The following NCOA6 variants were observed in gnomAD, a reference collection of about 807,000 sequenced individuals.
NCOA6 encodes the protein nuclear receptor coactivator 6.
In NCOA6, 49 loss-of-function variants were observed where a neutral mutation model predicts 171.4. The ratio of observed to expected loss-of-function variants is 0.29; its 90% confidence interval spans 0.23 to 0.36. NCOA6 has a LOEUF of 0.36. NCOA6 is among the 10% of genes least tolerant of loss of function. NCOA6 has a pLI of 1.00. For synonymous variants in NCOA6, 910 were observed against 927.5 expected, an observed-to-expected ratio of 0.98 and a Z score of 0.34; for missense variants, 2,248 against 2,554.5, an observed-to-expected ratio of 0.88 and a Z score of 2.59.
At chr20:34,823,243 C>T (rs2079057968) in intron 1 of NCOA6, among the ~76,000 whole-genome samples, 3 of 152,042 alleles carry the variant, frequency 2.0e-5, no homozygotes, top group Admixed American at 1.3e-4. Context: ...ATAGGCTGGG[C>T]GCGGTGGCTC....
chr20:34,721,671 T>A (rs1236676764), intron 14 of NCOA6, among the ~76,000 whole-genome samples: 1 of 152,158 alleles, frequency 6.6e-6, no homozygotes, highest in African/African-American at 2.4e-5. Context: ...TAATGCTCGC[T>A]TGCCCACCAC....
intron 1 of NCOA6, among the ~76,000 whole-genome samples, chr20:34,797,302 A>C (rs546381343): frequency 1.3e-5 from 2 of 152,204 alleles, no homozygotes; most frequent in African/African-American, 4.8e-5. Flanking sequence ...ACAGTAGGAG[A>C]GGGCAGAGTC....
In NCOA6 at chr20:34,715,097, A is replaced by C; in HGVS notation, c.*225T>G. 1 of 511,666 alleles carries C rather than the reference A, an allele frequency of 2.0e-6. No individual in the cohort carries two copies. The allele number at this position is 511,666 out of a possible 1,614,324, so 31.7% of individuals were successfully genotyped here. A position where few individuals can be genotyped will look rare whatever the true frequency, so the allele number is the denominator to read the frequency against. ...AATGGCATTAGCTCCTTTCAATACA[A>C]GACAACATTTTAGAAACCTTGAACT... On this transcript the variant is annotated 3_prime_UTR_variant, in exon 15 of 15. Transcript: ENST00000359003.
Position 34,750,197 on chromosome 20 carries a change from C to T in NCOA6, c.1998G>A (p.Pro666=), listed in dbSNP as rs774815008. Residue 666 remains proline, a synonymous_variant, in exon 9 of 15, where the codon CCG becomes CCA. Coordinates refer to ENST00000359003, the MANE Select transcript of NCOA6 (RefSeq NM_014071.5). ...MPQGQMMVNP[P]SQNLGPSPQR... is the part of the protein sequence containing the mutation. ...GGGGCGAGGGCCCAAGATTTTGGCTCGGGGGGTTCACCATCATCTGGCCCT... is the reference window on the plus strand; with the variant it reads ...GGGGCGAGGGCCCAAGATTTTGGCTTGGGGGGTTCACCATCATCTGGCCCT... The T allele has an allele frequency of 1.9e-5, 31 of 1,610,690 alleles. No individual in the cohort carries two copies. Among genetic ancestry groups the T allele is most frequent in the Middle Eastern group, 1.6e-4 (1 of 6,064 alleles).
At chr20:34,728,934 T>C (rs1230584784) in intron 13 of NCOA6, among the ~76,000 whole-genome samples, 2 of 152,186 alleles carry the variant, frequency 1.3e-5, no homozygotes, top group Non-Finnish European at 2.9e-5. Flanking sequence ...ATGAGCTATA[T>C]ACACATAAAT....
At chr20:34,737,447 G>A (rs756226408) in intron 11 of NCOA6, among the ~76,000 whole-genome samples, 2 of 152,206 alleles carry the variant, frequency 1.3e-5, no homozygotes, top group Non-Finnish European at 2.9e-5. Context: ...GTGCACTTGA[G>A]TGCACTCTGA....
chr20:34,748,400 GA>G (rs1207928784), intron 9 of NCOA6, among the ~76,000 whole-genome samples: 1 of 152,220 alleles, frequency 6.6e-6, no homozygotes, highest in African/African-American at 2.4e-5. Flanking sequence ...AATGTTGTGG[GA>G]AGGCTGGGAT....
intron 13 of NCOA6, among the ~76,000 whole-genome samples, chr20:34,727,843 C>T (rs1220943318): frequency 6.6e-6 from 1 of 151,904 alleles, no homozygotes. Flanking sequence ...CCTGCCTCAG[C>T]CTCCCGAGTA....
intron 10 of NCOA6, among the ~76,000 whole-genome samples, chr20:34,744,399 C>T (rs2145616532): frequency 6.6e-6 from 1 of 152,234 alleles, no homozygotes. Flanking sequence ...AAAAAGTGGG[C>T]ATACAGCTGG....
chr20:34,772,942 A>T lies in NCOA6; in HGVS notation c.391+3351T>A, dbSNP rs540844263. Among the ~76,000 whole-genome samples the T allele has an allele frequency of 1.1e-4, 16 of 152,262 alleles. No individual in the cohort carries two copies. The East Asian group carries it at 3.1e-3, about 29-fold the overall frequency. On this transcript the variant is annotated intron_variant, in intron 4 of 14. Transcript: ENST00000359003. ...AAAAAATCACATATTAATAAACAGA[A>T]TTTCCACACTATACTGCTATCATTC...
Position 34,742,097 on chromosome 20 carries a change from G to T in NCOA6, c.4159C>A (p.Pro1387Thr). The change falls in exon 11 of 15, where the codon CCT (proline) becomes ACT (threonine). Residue 1387 changes from proline to threonine, a missense_variant. By Grantham distance (38) the Pro-to-Thr change is conservative. Around this residue, in one of 7 missense-constraint regions of NCOA6, gnomAD observed 884 missense variants for 941.9 expected, o/e 0.94. Transcript: ENST00000359003. ...CCACTGTTGTTAGGAAAGCTCCCAG[G>T]TACAGGGGGATTGGCCAGAGGAGTG... Reference protein sequence around the residue: ...SPTPLANPPVPGSFPNNSGLN... With the variant: ...SPTPLANPPVTGSFPNNSGLN... 1 of 1,614,152 alleles carries T rather than the reference G, an allele frequency of 6.2e-7. No individual in the cohort carries two copies. The highest frequency in any genetic ancestry group is 8.5e-7 in the Non-Finnish European group (1 of 1,180,022).
intron 13 of NCOA6, among the ~76,000 whole-genome samples, chr20:34,729,871 T>C (rs977336882): frequency 1.2e-4 from 18 of 152,094 alleles, no homozygotes; most frequent in Non-Finnish European, 2.2e-4. Context: ...TTCACTCCCA[T>C]AGCTTTATGT....
intron 12 of NCOA6, among the ~76,000 whole-genome samples, chr20:34,733,546 A>C (rs2075851345): frequency 6.6e-6 from 1 of 152,226 alleles, no homozygotes; most frequent in Admixed American, 6.5e-5. Context: ...AAATGGGAAT[A>C]ATCACATTAC....
intron 1 of NCOA6, among the ~76,000 whole-genome samples, chr20:34,808,405 TAGCTAGC>T (rs2078533996): frequency 1.3e-5 from 2 of 151,664 alleles, no homozygotes; most frequent in South Asian, 4.2e-4. Flanking sequence ...AGTTCTGCTT[TAGCTAGC>T]AGTGGTTCCC....
chr20:34,764,378 C>T (rs1319377475), intron 5 of NCOA6, among the ~76,000 whole-genome samples: 1 of 152,154 alleles, frequency 6.6e-6, no homozygotes, highest in Non-Finnish European at 1.5e-5. Flanking sequence ...TCAGCCACAG[C>T]GCCCGGCTGC....
At chr20:34,738,104 C>T (rs1195061094) in intron 11 of NCOA6, among the ~76,000 whole-genome samples, 2 of 152,116 alleles carry the variant, frequency 1.3e-5, no homozygotes, top group Non-Finnish European at 2.9e-5. Context: ...GGTTTCGCCT[C>T]ATTGCCCGGC....
At chr20:34,748,973 C>G (rs931135206) in intron 9 of NCOA6, among the ~76,000 whole-genome samples, 1 of 152,108 alleles carries the variant, frequency 6.6e-6, no homozygotes, top group Non-Finnish European at 1.5e-5. Flanking sequence ...CAAAACCCCC[C>G]GACACTGTAA....
At position 34,749,485 on chromosome 20, in the gene NCOA6, T is replaced by C; in HGVS notation, c.2710A>G (p.Asn904Asp). The part of the protein sequence containing the change: ...DISAGHFGVN[N>D]KQNNTNANKP... ...TTTGCGTTGGTATTATTTTGCTTAT[T>C]GTTTACCCCAAAATGGCCTGCAGAT... The change falls in exon 9 of 15, where the codon AAT becomes GAT. Residue 904 changes from asparagine to aspartate, a missense_variant. By Grantham distance (23) the Asn-to-Asp change is conservative. Coordinates refer to ENST00000359003, the MANE Select transcript of NCOA6 (RefSeq NM_014071.5). 6.2e-7 allele frequency: 1 copy of C among 1,614,228 alleles called. No individual in the cohort carries two copies. Among genetic ancestry groups the C allele is most frequent in the South Asian group, 1.1e-5 (1 of 91,082 alleles).
At chr20:34,803,116 T>C (rs968773560) in intron 1 of NCOA6, among the ~76,000 whole-genome samples, 4 of 152,070 alleles carry the variant, frequency 2.6e-5, no homozygotes, top group African/African-American at 7.2e-5. Context: ...CAGCGATTTA[T>C]AAAATTAGAA....
Sources: allele counts gnomAD v4.1 joint callset (sites outside exome capture counted in the v4.1 genomes callset), GRCh38; gene constraint gnomAD v4.1.1; regional missense constraint gnomAD v4.1.1; transcripts MANE v1.5; gene names NCBI Gene and HGNC (gene_info 2026-07-23, HGNC 2026-07-21).